LRMDA: variants seen among roughly 807,000 people sequenced by gnomAD.
LRMDA encodes leucine-rich melanocyte differentiation-associated protein.
In LRMDA, 18 loss-of-function variants were observed where a neutral mutation model predicts 29.8. The ratio of observed to expected loss-of-function variants is 0.60; its 90% CI spans 0.42 to 0.90. The LOEUF (loss-of-function observed/expected upper bound fraction) is 0.90, where lower values mean the gene tolerates loss of function less well. Among genes scored for constraint, LRMDA ranks in the 40% least tolerant of loss-of-function variants. The probability of loss-of-function intolerance (pLI) is 0.00; values close to 1 mark genes in which losing one functional copy is unlikely to be tolerated. For missense variants in LRMDA, 273 were observed against 273.9 expected (o/e 1.00, Z 0.02); for synonymous variants, 125 against 109.4 (o/e 1.14, Z -0.89).
chr10:76,105,721 C>T (rs772148699), intron 5 of LRMDA, among the ~76,000 whole-genome samples: 11 of 152,054 alleles, frequency 7.2e-5, no homozygotes, highest in Middle Eastern at 3.2e-3. Flanking sequence ...ACCTGGCCTC[C>T]GGAACTGGGA....
intron 2 of LRMDA, among the ~76,000 whole-genome samples, chr10:75,705,759 G>A (rs780670839): frequency 5.9e-5 from 9 of 152,196 alleles, no homozygotes; most frequent in African/African-American, 9.7e-5. Flanking sequence ...CCCACAAAGC[G>A]TCCCTGCAGT....
intron 2 of LRMDA, among the ~76,000 whole-genome samples, chr10:75,834,885 G>T (rs769248253): frequency 6.6e-6 from 1 of 152,110 alleles, no homozygotes; most frequent in Non-Finnish European, 1.5e-5. Flanking sequence ...CTTCACCAGC[G>T]GAGTCATTCA....
intron 5 of LRMDA, among the ~76,000 whole-genome samples, chr10:76,185,147 A>G (rs1851124613): frequency 6.6e-6 from 1 of 152,206 alleles, no homozygotes; most frequent in Non-Finnish European, 1.5e-5. Flanking sequence ...CACAAAATGG[A>G]CAATGGTCAG....
chr10:75,901,309 C>CT (rs58604668), intron 2 of LRMDA, among the ~76,000 whole-genome samples: 13,996 of 144,864 alleles, frequency 0.097, 1,153 homozygotes, highest in East Asian at 0.31. Context: ...TTAATGACAC[C>CT]TTTTTTTTTT....
intron 2 of LRMDA, among the ~76,000 whole-genome samples, chr10:75,541,420 T>G (rs1374658746): frequency 6.6e-6 from 1 of 151,232 alleles, no homozygotes; most frequent in African/African-American, 2.4e-5. Context: ...TTTTTTTTTT[T>G]TAAGCAGAGA....
At chr10:75,479,563 A>G (rs1185122308) in intron 2 of LRMDA, among the ~76,000 whole-genome samples, 1 of 151,908 alleles carries the variant, frequency 6.6e-6, no homozygotes, top group Non-Finnish European at 1.5e-5. Context: ...CATCAGGAAG[A>G]GGCATCCTGA....
At chr10:75,843,328 T>C (rs1048571368) in intron 2 of LRMDA, among the ~76,000 whole-genome samples, 2 of 152,082 alleles carry the variant, frequency 1.3e-5, no homozygotes, top group African/African-American at 2.4e-5. Flanking sequence ...AGTGAACAAA[T>C]AATTTATTTT....
intron 2 of LRMDA, among the ~76,000 whole-genome samples, chr10:75,505,993 G>C (rs191978041): frequency 2.6e-5 from 4 of 152,144 alleles, no homozygotes; most frequent in Admixed American, 6.5e-5. Flanking sequence ...AGCCTTTAAG[G>C]CTTATTAGTT....
intron 2 of LRMDA, among the ~76,000 whole-genome samples, chr10:75,664,697 A>C (rs1464882059): frequency 6.6e-6 from 1 of 152,196 alleles, no homozygotes; most frequent in East Asian, 1.9e-4. Context: ...GTGAAGGAAT[A>C]CAATGATTAA....
chr10:75,842,943 C>G lies in LRMDA; in HGVS notation c.132-193065C>G, dbSNP rs1407739. On this transcript the variant is annotated intron_variant, in intron 2 of 6. Coordinates refer to ENST00000611255, the MANE Select transcript of LRMDA (RefSeq NM_001305581.2). The stretch of plus-strand genomic sequence containing the variant: ...GGCTGAAGAGGGAGGATTGCTTGAG[C>G]CCTGGAGGTCAAGGCTGCAATGAGC... Among the ~76,000 whole-genome samples, 30 of 152,228 alleles carry G rather than the reference C, an allele frequency of 2.0e-4. No individual in the cohort carries two copies. The South Asian group carries it at 5.4e-3, about 27-fold the overall frequency.
At chr10:75,910,884 C>T (rs980504369) in intron 2 of LRMDA, among the ~76,000 whole-genome samples, 1 of 152,144 alleles carries the variant, frequency 6.6e-6, no homozygotes, top group Non-Finnish European at 1.5e-5. Flanking sequence ...TTCTCTGTCT[C>T]TTGTTTGGTG....
At chr10:76,242,926 C>A (rs1472499776) in intron 5 of LRMDA, among the ~76,000 whole-genome samples, 1 of 152,176 alleles carries the variant, frequency 6.6e-6, no homozygotes, top group African/African-American at 2.4e-5. Flanking sequence ...CTATGTAGTG[C>A]AGAGTGAGGA....
At chr10:75,928,510 C>T (rs1846157702) in intron 2 of LRMDA, among the ~76,000 whole-genome samples, 1 of 152,068 alleles carries the variant, frequency 6.6e-6, no homozygotes, top group African/African-American at 2.4e-5. Context: ...AATAAAATGT[C>T]TTATTAAGCA....
At chr10:75,978,763 T>C (rs191207029) in intron 2 of LRMDA, among the ~76,000 whole-genome samples, 178 of 152,372 alleles carry the variant, frequency 1.2e-3, no homozygotes, top group African/African-American at 4.2e-3. Flanking sequence ...TCTTATAATT[T>C]TTTGTATGCA....
At chr10:76,513,330 A>G (rs976046467) in intron 6 of LRMDA, among the ~76,000 whole-genome samples, 3 of 152,156 alleles carry the variant, frequency 2.0e-5, no homozygotes, top group Non-Finnish European at 4.4e-5. Flanking sequence ...TTTTTATTAT[A>G]TATTTTTAGT....
intron 2 of LRMDA, among the ~76,000 whole-genome samples, chr10:75,464,975 T>C (rs2132040646): frequency 6.6e-6 from 1 of 152,346 alleles, no homozygotes; most frequent in East Asian, 1.9e-4. Context: ...TCAGGAAAGC[T>C]GATGGTTCTT....
chr10:76,299,010 T>C (rs1382995428), intron 5 of LRMDA, among the ~76,000 whole-genome samples: 3 of 152,246 alleles, frequency 2.0e-5, no homozygotes, highest in Non-Finnish European at 4.4e-5. Flanking sequence ...AGAAATATTT[T>C]CTTTGACTTA....
intron 5 of LRMDA, chr10:76,270,296 C>A (rs1840051656): frequency 6.6e-6 from 1 of 152,162 alleles, no homozygotes; most frequent in African/African-American, 2.4e-5. Context: ...ACAAAGGCTT[C>A]CCTGAAGACT....
intron 2 of LRMDA, among the ~76,000 whole-genome samples, chr10:75,556,880 A>G (rs1840221113): frequency 1.3e-5 from 2 of 152,114 alleles, no homozygotes; most frequent in African/African-American, 4.8e-5. Flanking sequence ...GTATTACTCA[A>G]AAGCCTATAG....
Sources: allele counts gnomAD v4.1 joint callset (sites outside exome capture counted in the v4.1 genomes callset), GRCh38; gene constraint gnomAD v4.1.1; transcripts MANE v1.5; gene names NCBI Gene and HGNC (gene_info 2026-07-23, HGNC 2026-07-21).